ABTB3: variants seen among roughly 807,000 people sequenced by gnomAD.
ABTB3 encodes the protein ankyrin repeat- and BTB/POZ domain-containing protein 3.
the ABTB3 span, among the ~76,000 whole-genome samples, chr12:107,468,539 A>G: frequency 6.6e-6 from 1 of 152,082 alleles, no homozygotes; most frequent in Non-Finnish European, 1.5e-5. Flanking sequence ...TGCTTCAAAG[A>G]TCCACTGTGG....
chr12:107,328,025 A>T, the ABTB3 span, among the ~76,000 whole-genome samples: 1 of 152,164 alleles, frequency 6.6e-6, no homozygotes, highest in Non-Finnish European at 1.5e-5. Context: ...CCGCATTCCA[A>T]TGACCAGCAC....
chr12:107,497,438 TCAC>T, the ABTB3 span, among the ~76,000 whole-genome samples: 1 of 150,492 alleles, frequency 6.6e-6, no homozygotes, highest in Non-Finnish European at 1.5e-5. Context: ...ATTATCATCA[TCAC>T]CACCATCACC....
At chr12:107,463,956 C>T in the ABTB3 span, among the ~76,000 whole-genome samples, 1 of 152,190 alleles carries the variant, frequency 6.6e-6, no homozygotes, top group Non-Finnish European at 1.5e-5. Context: ...TCTCTCTGGG[C>T]CTCTGTCATT....
chr12:107,591,735 T>A, the ABTB3 span, among the ~76,000 whole-genome samples: 1 of 152,204 alleles, frequency 6.6e-6, no homozygotes, highest in Non-Finnish European at 1.5e-5. Flanking sequence ...CTCCACAAGA[T>A]GGCAGGAACA....
At chr12:107,466,414 G>A in the ABTB3 span, among the ~76,000 whole-genome samples, 2 of 151,992 alleles carry the variant, frequency 1.3e-5, no homozygotes, top group African/African-American at 4.8e-5. Context: ...CTTTCACTGT[G>A]AGCTGGGTTG....
chr12:107,633,475 A>G, the ABTB3 span, among the ~76,000 whole-genome samples: 1 of 152,218 alleles, frequency 6.6e-6, no homozygotes, highest in South Asian at 2.1e-4. Flanking sequence ...TAACGTGTTC[A>G]TGGTCCCAGT....
chr12:107,499,827 G>A, the ABTB3 span, among the ~76,000 whole-genome samples: 14 of 151,762 alleles, frequency 9.2e-5, no homozygotes, highest in South Asian at 1.9e-3. Flanking sequence ...CTGGGACTAC[G>A]GGCACGCACC....
At chr12:107,510,516 T>C in the ABTB3 span, among the ~76,000 whole-genome samples, 1 of 152,002 alleles carries the variant, frequency 6.6e-6, no homozygotes, top group East Asian at 1.9e-4. Flanking sequence ...AGATAATATA[T>C]AATATAGTAT....
the ABTB3 span, among the ~76,000 whole-genome samples, chr12:107,505,388 G>T: frequency 2.0e-5 from 3 of 152,076 alleles, no homozygotes; most frequent in Non-Finnish European, 2.9e-5. Flanking sequence ...AGAAAAACTA[G>T]ATCAGTGGGA....
chr12:107,633,021 A>G, the ABTB3 span, among the ~76,000 whole-genome samples: 1 of 152,144 alleles, frequency 6.6e-6, no homozygotes, highest in Non-Finnish European at 1.5e-5. Context: ...TCTACTTTTA[A>G]GGGCTCATGT....
chr12:107,542,061 G>A, the ABTB3 span, among the ~76,000 whole-genome samples: 2 of 152,158 alleles, frequency 1.3e-5, no homozygotes, highest in Non-Finnish European at 2.9e-5. Context: ...TGTAATCCCA[G>A]TACTTTGGGA....
the ABTB3 span, among the ~76,000 whole-genome samples, chr12:107,509,132 C>G: frequency 6.6e-6 from 1 of 152,166 alleles, no homozygotes; most frequent in Non-Finnish European, 1.5e-5. Flanking sequence ...GAATGAGTCT[C>G]TTTCCTCTTA....
At chr12:107,520,635 G>C in the ABTB3 span, 1 of 1,614,096 alleles carries the variant, frequency 6.2e-7, no homozygotes, top group African/African-American at 1.3e-5. Flanking sequence ...TCGCCGAATT[G>C]AGTAAGTAGA....
the ABTB3 span, among the ~76,000 whole-genome samples, chr12:107,344,030 A>G: frequency 4.9e-4 from 75 of 152,266 alleles, 2 homozygotes; most frequent in East Asian, 0.014. Context: ...GCATCAACTC[A>G]GGCTCCTTCT....
the ABTB3 span, among the ~76,000 whole-genome samples, chr12:107,488,775 A>G: frequency 6.6e-6 from 1 of 152,024 alleles, no homozygotes; most frequent in African/African-American, 2.4e-5. Flanking sequence ...ACCACCATCT[A>G]AAACTTTGTT....
the ABTB3 span, among the ~76,000 whole-genome samples, chr12:107,573,561 AACAC>A: frequency 2.6e-5 from 4 of 152,154 alleles, no homozygotes; most frequent in Admixed American, 2.6e-4. Flanking sequence ...CAGATTGATC[AACAC>A]ACACATATAT....
the ABTB3 span, among the ~76,000 whole-genome samples, chr12:107,652,825 G>A: frequency 0.01 from 1,571 of 152,340 alleles, 24 homozygotes; most frequent in Middle Eastern, 0.024. Flanking sequence ...TTTGTTCCAC[G>A]TGCTGAGCAC....
the ABTB3 span, among the ~76,000 whole-genome samples, chr12:107,501,392 A>AC: frequency 8.1e-6 from 1 of 123,818 alleles, no homozygotes; most frequent in Non-Finnish European, 1.6e-5. Context: ...CCAGTAAAAA[A>AC]AAAAAACAAG....
chr12:107,567,779 C>T, the ABTB3 span, among the ~76,000 whole-genome samples: 2 of 152,132 alleles, frequency 1.3e-5, no homozygotes, highest in Non-Finnish European at 2.9e-5. Context: ...TAGGTTGTGC[C>T]CCTTATGAGA....
Sources: gnomAD v4.1 joint callset for allele counts (sites outside exome capture counted in the v4.1 genomes callset) on GRCh38, gnomAD v4.1.1 for gene constraint, MANE v1.5 for transcripts, NCBI Gene and HGNC (gene_info 2026-07-23, HGNC 2026-07-21) for gene names.